Variants in FIBCD1 observed in about 807,000 individuals in gnomAD.
The protein encoded by FIBCD1 is fibrinogen C domain-containing protein 1.
FIBCD1 carries 47 observed loss-of-function variants against 45.1 expected under a neutral mutation model. The observed-to-expected ratio is 1.04, with a 90% CI of 0.82 to 1.33. The LOEUF (loss-of-function observed/expected upper bound fraction) is 1.33. Among genes scored for constraint, FIBCD1 ranks in the 40% most tolerant of loss-of-function variants. FIBCD1 has a pLI of 0.00. For synonymous variants in FIBCD1, 313 were observed against 308.1 expected (o/e 1.02, Z -0.17); for missense variants, 653 against 682.2 (o/e 0.96, Z 0.48).
chr9:130,923,875 G>A lies in FIBCD1; in HGVS notation c.718C>T (p.Arg240Trp), dbSNP rs763865806. The stretch of plus-strand genomic sequence containing the variant: ...AGGACGTCCAGACAGTCTCGGGGCC[G>A]GGAGCCTGAGGGAGGCAAGGCTGTC... ...TRPRGCATGS[R>W]PRDCLDVLLS... is the part of the protein sequence containing the mutation. Residue 240 changes from arginine (R) to tryptophan (W), a missense_variant, in exon 4 of 7, where the codon CGG becomes TGG. Coordinates refer to ENST00000372338, the MANE Select transcript of FIBCD1 (RefSeq NM_032843.5). 5.1e-5 allele frequency: 82 copies of A among 1,612,208 alleles called. No individual in the cohort carries two copies. Among genetic ancestry groups the A allele is most frequent in the Admixed American group, 6.7e-5 (4 of 59,998 alleles).
chr9:130,904,834 G>C (rs1218677531), intron 6 of FIBCD1, among the ~76,000 whole-genome samples: 4 of 152,204 alleles, frequency 2.6e-5, no homozygotes, highest in Non-Finnish European at 5.9e-5. Flanking sequence ...AAGCAGCCTT[G>C]ACCCTGACCC....
chr9:130,908,416 G>A (rs1831974041), intron 5 of FIBCD1, among the ~76,000 whole-genome samples: 2 of 152,236 alleles, frequency 1.3e-5, no homozygotes, highest in African/African-American at 2.4e-5. Flanking sequence ...GGGTGGTGGC[G>A]AGGGCATGCC....
chr9:130,904,889 C>T (rs1564331948), intron 6 of FIBCD1, among the ~76,000 whole-genome samples: 1 of 152,198 alleles, frequency 6.6e-6, no homozygotes, highest in Admixed American at 6.5e-5. Context: ...AAAAAACGAA[C>T]AGAAGATTCG....
At position 130,938,541 on chromosome 9, in the gene FIBCD1, G is replaced by T. The variant is rs1484944199; in HGVS notation, c.67C>A (p.Pro23Thr). 2 of 1,490,098 alleles carry T rather than the reference G, an allele frequency of 1.3e-6. No individual in the cohort carries two copies. Among genetic ancestry groups the T allele is most frequent in the Non-Finnish European group, 8.9e-7 (1 of 1,125,688 alleles). 92.3% of individuals were successfully genotyped at this position (1,490,098 alleles called of 1,614,324 possible). A position where few individuals can be genotyped will look rare whatever the true frequency, so the allele number is the denominator to read the frequency against. Residue 23 changes from proline to threonine, a missense_variant, in exon 1 of 7, where the codon CCG becomes ACG. Coordinates refer to ENST00000372338, the MANE Select transcript of FIBCD1 (RefSeq NM_032843.5). ...AQLEDRPRDK[P>T]QRPSCGYVLC... ...GTCCCAGCGCCCGAGCGTACCTGCG[G>T]CTTGTCGCGCGGCCGGTCCTCAAGT...
chr9:130,929,928 G>C lies in FIBCD1; in HGVS notation c.191C>G (p.Pro64Arg). The C allele has an allele frequency of 6.5e-7, 1 of 1,549,124 alleles. No individual in the cohort carries two copies. The highest frequency in any genetic ancestry group is 8.7e-7 in the Non-Finnish European group (1 of 1,146,328). The change falls in exon 2 of 7, where the codon CCC becomes CGC. Residue 64 changes from proline to arginine, a missense_variant. Transcript: ENST00000372338. ...LNHAHAPGTA[P>R]PPVVSTGAAS... ...AGCCCCAGTGCTGACGACAGGTGGG[G>C]GCGCCGTGCCCGGCGCGTGGGCGTG...
At chr9:130,931,338 T>C (rs968559478) in intron 1 of FIBCD1, among the ~76,000 whole-genome samples, 7 of 152,144 alleles carry the variant, frequency 4.6e-5, no homozygotes, top group African/African-American at 1.7e-4. Context: ...TGAAACCCCA[T>C]CTCTACTAAA....
In FIBCD1 at chr9:130,903,713, C is replaced by T. The variant is rs1564331264; in HGVS notation, c.*351G>A. The T allele has an allele frequency of 9.5e-6, 4 of 421,648 alleles. No homozygotes were observed. The highest frequency in any genetic ancestry group is 7.1e-5 in the Admixed American group (2 of 28,016). The allele number at this position is 421,648 out of a possible 1,614,324, so 26.1% of individuals were successfully genotyped here. Reference sequence around the variant, plus strand: ...GTCCCCATAATGCCGGGTATTTGGCCGGGCAGGGCAGAGGGTGCCTGGGGC... The same window carrying T: ...GTCCCCATAATGCCGGGTATTTGGCTGGGCAGGGCAGAGGGTGCCTGGGGC... On this transcript the variant is annotated 3_prime_UTR_variant, in exon 7 of 7. Transcript: ENST00000372338.
At chr9:130,938,474 C>A in intron 1 of FIBCD1, 62 bp downstream of exon 1, 1 of 1,367,340 alleles carries the variant, frequency 7.3e-7, no homozygotes, top group South Asian at 1.5e-5. Flanking sequence ...CTCGCCCCGC[C>A]GGCCCGAGCG....
rs192213203 is a variant in FIBCD1, at chr9:130,927,183, C to T, written c.552+2384G>A. ...GTCTGAGCCCAGGAGGTGGAGGTTG[C>T]AGTAAGCCCTGATTGTGCCACTGCT... On this transcript the variant is annotated intron_variant, in intron 2 of 6. Coordinates refer to ENST00000372338, the MANE Select transcript of FIBCD1 (RefSeq NM_032843.5). 5.0e-3 allele frequency among the ~76,000 whole-genome samples: 754 copies of T among 151,240 alleles called. 24 individuals carry two copies. Among genetic ancestry groups the T allele is most frequent in the Non-Finnish European group, 9.1e-4 (62 of 67,918 alleles).
chr9:130,904,587 TC>T (rs34220036), intron 6 of FIBCD1, among the ~76,000 whole-genome samples: 29,339 of 151,906 alleles, frequency 0.19, 3,526 homozygotes, highest in East Asian at 0.51. Flanking sequence ...TCTCTATCCC[TC>T]CCCCCAGCTT....
chr9:130,935,607 G>T (rs1051878033), intron 1 of FIBCD1, among the ~76,000 whole-genome samples: 1 of 152,212 alleles, frequency 6.6e-6, no homozygotes, highest in Non-Finnish European at 1.5e-5. Context: ...CCGGACCTGG[G>T]CTATACCCAC....
At chr9:130,912,055 C>T (rs936465815) in intron 4 of FIBCD1, among the ~76,000 whole-genome samples, 167 bp from the exon 5 acceptor site, 1 of 151,886 alleles carries the variant, frequency 6.6e-6, no homozygotes, top group African/African-American at 2.4e-5. Context: ...TGGCCAGGGG[C>T]CTGGAAAACA....
intron 2 of FIBCD1, 75 bp from the exon 3 acceptor site, chr9:130,924,471 G>T: frequency 7.4e-7 from 1 of 1,359,668 alleles, no homozygotes. Context: ...GCAGGTCACT[G>T]GCCAGAGTGG....
chr9:130,939,132 CCCGGCTCCTG>C lies in FIBCD1; in HGVS notation c.-535_-526del, dbSNP rs1832572685. On this transcript the variant is annotated 5_prime_UTR_variant, in exon 1 of 7. An upstream open reading frame in the 5' UTR loses its in-frame stop. Coordinates refer to ENST00000372338, the MANE Select transcript of FIBCD1 (RefSeq NM_032843.5). Reference sequence around the variant, plus strand: ...GAGGGCAGCAAACAGCCGCGGGCGGCCCGGCTCCTGCTGGCTCCCGGAGGGGCCTGAGAGC... The same window carrying C: ...GAGGGCAGCAAACAGCCGCGGGCGGCCTGGCTCCCGGAGGGGCCTGAGAGC... The C allele has an allele frequency of 6.6e-6, 1 of 152,142 alleles. No individual in the cohort carries two copies. Among genetic ancestry groups the C allele is most frequent in the African/African-American group, 2.4e-5 (1 of 41,438 alleles). 9.4% of individuals were successfully genotyped at this position (152,142 alleles called of 1,614,324 possible).
chr9:130,930,561 C>T (rs1832434680), intron 1 of FIBCD1, among the ~76,000 whole-genome samples: 5 of 152,214 alleles, frequency 3.3e-5, no homozygotes, highest in Middle Eastern at 6.8e-3. Context: ...CCTTCCCTCT[C>T]GCTGCCCCTG....
At chr9:130,925,662 C>G (rs767846992) in intron 2 of FIBCD1, among the ~76,000 whole-genome samples, 7 of 152,140 alleles carry the variant, frequency 4.6e-5, no homozygotes, top group African/African-American at 7.2e-5. Flanking sequence ...GCTTGGCAAG[C>G]GCAATGCTGT....
Position 130,909,257 on chromosome 9 carries a change from G to T in FIBCD1, c.946+2535C>A, listed in dbSNP as rs372019322. On this transcript the variant is annotated intron_variant, in intron 5 of 6. Transcript: ENST00000372338. ...CCTCTCCCTCCCTCCCACCCAAGGC[G>T]CCCCCTCCGCCGCCCCTCGCCCCCA... 1.1e-4 allele frequency among the ~76,000 whole-genome samples: 13 copies of T among 123,806 alleles called. No homozygotes were observed. The East Asian group carries it at 2.9e-3, about 27-fold the overall frequency. The allele number at this position is 123,806 out of a possible 152,430, so 81.2% of individuals were successfully genotyped here.
intron 5 of FIBCD1, among the ~76,000 whole-genome samples, chr9:130,909,380 ACT>A (rs1831996250): frequency 6.6e-6 from 1 of 152,006 alleles, no homozygotes; most frequent in East Asian, 1.9e-4. Context: ...CCCAGATGAC[ACT>A]CGGGGCACAC....
At position 130,922,996 on chromosome 9, in the gene FIBCD1, G is replaced by A. The variant is rs1043016352; in HGVS notation, c.849+748C>T. Among the ~76,000 whole-genome samples, 1 of 152,148 alleles carries A rather than the reference G, an allele frequency of 6.6e-6. No individual in the cohort carries two copies. The highest frequency in any genetic ancestry group is 1.5e-5 in the Non-Finnish European group (1 of 68,030). ...TCTTCCGCCCCCAATGCCCCCTGGCGTGTAAATTCCTCGGGAGGACTGGGA... is the reference window on the plus strand; with the variant it reads ...TCTTCCGCCCCCAATGCCCCCTGGCATGTAAATTCCTCGGGAGGACTGGGA... On this transcript the variant is annotated intron_variant, in intron 4 of 6. Transcript: ENST00000372338. The surrounding 1 kb of genome is among the most constrained non-coding windows in gnomAD (Gnocchi z 4.5).
Sources: allele counts gnomAD v4.1 joint callset (sites outside exome capture counted in the v4.1 genomes callset), GRCh38; gene constraint gnomAD v4.1.1; non-coding constraint Gnocchi (gnomAD v3.1); transcripts MANE v1.5; gene names NCBI Gene and HGNC (gene_info 2026-07-23, HGNC 2026-07-21).